Variants in MROH2A observed in about 807,000 individuals in gnomAD.
The protein encoded by MROH2A is maestro heat-like repeat-containing protein family member 2A.
MROH2A carries 174 observed loss-of-function variants against 200.4 expected under a neutral mutation model. The ratio of observed to expected loss-of-function variants is 0.87; its 90% CI spans 0.77 to 0.98. The LOEUF (loss-of-function observed/expected upper bound fraction) is 0.98, where lower values mean the gene tolerates loss of function less well. Among genes scored for constraint, MROH2A ranks in the 50% least tolerant of loss-of-function variants. The probability of loss-of-function intolerance (pLI) is 0.00; values close to 1 mark genes in which losing one functional copy is unlikely to be tolerated. For synonymous variants in MROH2A, 829 were observed against 840.4 expected (o/e 0.99, Z 0.23); for missense variants, 2,045 against 2,139.6 (o/e 0.96, Z 0.87).
intron 6 of MROH2A, 22 bp from the exon 7 acceptor site, chr2:233,793,651 A>AT (rs758034239): frequency 8.8e-6 from 12 of 1,357,160 alleles, no homozygotes; most frequent in South Asian, 2.0e-5. Context: ...CGCCAAGTGC[A>AT]TTCCCCTGTT....
In MROH2A at chr2:233,793,999, C is replaced by A. The variant is rs138731922; in HGVS notation, c.822+175C>A. 3.2e-3 allele frequency among the ~76,000 whole-genome samples: 480 copies of A among 152,212 alleles called. 4 individuals are homozygous for A. The highest frequency in any genetic ancestry group is 0.024 in the Middle Eastern group (7 of 294). On this transcript the variant is annotated intron_variant, in intron 7 of 41. Transcript: ENST00000389758. ...ACTCATGGATGCTGAACAGCTGGGA[C>A]CTAGGAGCCTCATCCACGAGGCCAG...
intron 5 of MROH2A, among the ~76,000 whole-genome samples, chr2:233,792,086 C>G (rs375750885): frequency 3.3e-5 from 5 of 152,040 alleles, no homozygotes; most frequent in African/African-American, 9.7e-5. Context: ...CTTCTGTGTT[C>G]GCCCAAGAAC....
rs1244582823 is a variant in MROH2A at position 233,814,587 on chromosome 2, G to A, written c.2766G>A (p.Leu922=). 1.3e-6 allele frequency: 2 copies of A among 1,550,250 alleles called. No individual in the cohort carries two copies. The highest frequency in any genetic ancestry group is 1.7e-6 in the Non-Finnish European group (2 of 1,146,790). Residue 922 remains leucine (L), a synonymous_variant, in exon 26 of 42, where the codon CTG becomes CTA. Coordinates refer to ENST00000389758, the MANE Select transcript of MROH2A (RefSeq NM_001394639.1). ...TCTCTCCCTCTTGGCTGTAGACCCT[G>A]TATGCAAATGCCCTGAGCTCCCTGG... The part of the protein sequence containing the change: ...PGEDNESIKT[L]YANALSSLEQ...
At chr2:233,803,791 C>G (rs962773588) in intron 16 of MROH2A, among the ~76,000 whole-genome samples, 2 of 152,156 alleles carry the variant, frequency 1.3e-5, no homozygotes, top group Non-Finnish European at 2.9e-5. Context: ...AGTCCAGGAC[C>G]CATGAGTTCT....
At chr2:233,808,363 A>T (rs1260516667) in intron 21 of MROH2A, among the ~76,000 whole-genome samples, 1 of 152,008 alleles carries the variant, frequency 6.6e-6, no homozygotes, top group East Asian at 1.9e-4. Context: ...CAGTATTTGG[A>T]CCCAGACAGC....
At chr2:233,783,064 T>C (rs919537245) in intron 3 of MROH2A, among the ~76,000 whole-genome samples, 1 of 152,216 alleles carries the variant, frequency 6.6e-6, no homozygotes, top group African/African-American at 2.4e-5. Context: ...TTGGGATGAA[T>C]CCCACTTGAT....
chr2:233,795,850 T>C, intron 9 of MROH2A, 105 bp downstream of exon 9: 1 of 1,541,614 alleles, frequency 6.5e-7, no homozygotes, highest in South Asian at 1.2e-5. Flanking sequence ...GTGCTTCCTT[T>C]ATCCTGATGG....
chr2:233,809,083 C>A (rs1238347231), intron 21 of MROH2A, 43 bp from the exon 22 acceptor site: 11 of 1,525,480 alleles, frequency 7.2e-6, no homozygotes, highest in Non-Finnish European at 9.8e-6. Context: ...TCTGGAGCAG[C>A]CCCTGCTGCC....
Position 233,779,871 on chromosome 2 carries a change from C to T in MROH2A, c.276+19C>T, listed in dbSNP as rs1165469251. ...GCCAGAGGTAGGGCCATCTTACCCA[C>T]TGGGCTCAGCCACCTTTAGCTCTGT... On this transcript the variant is annotated intron_variant, in intron 3 of 41. Coordinates refer to ENST00000389758, the MANE Select transcript of MROH2A (RefSeq NM_001394639.1). 6.5e-7 allele frequency: 1 copy of T among 1,543,932 alleles called. No homozygotes were observed. Among genetic ancestry groups the T allele is most frequent in the Non-Finnish European group, 8.7e-7 (1 of 1,143,540 alleles).
In MROH2A at chr2:233,792,822, A is replaced by G. The variant is rs903871838; in HGVS notation, c.598A>G (p.Ile200Val). ...NVFEFMPYMG[I>V]TLATIFTMLR... ...GTTTGAGTTCATGCCATACATGGGC[A>G]TCACCCTGGCTACCATATTCACCAT... The change falls in exon 6 of 42, where the codon ATC becomes GTC. Residue 200 changes from isoleucine to valine, a missense_variant. This residue lies in a region of MROH2A where 831 missense variants were observed against 800.0 expected (regional missense o/e 1.04). Coordinates refer to ENST00000389758, the MANE Select transcript of MROH2A (RefSeq NM_001394639.1). 5.8e-6 allele frequency: 9 copies of G among 1,550,150 alleles called. No homozygotes were observed. The highest frequency in any genetic ancestry group is 1.4e-5 in the African/African-American group (1 of 73,032).
At chr2:233,793,914 G>A in intron 7 of MROH2A, 90 bp downstream of exon 7, 2 of 1,257,440 alleles carry the variant, frequency 1.6e-6, no homozygotes, top group South Asian at 4.8e-5. Context: ...GGACCGTCGG[G>A]TCCACACTTA....
In MROH2A at chr2:233,819,939, C is replaced by T. The variant is rs28900687; in HGVS notation, c.3395C>T (p.Pro1132Leu). ...EILSAILVHL[P>L]VVDHPEVRRL... ...CTGAGTGCCATCCTGGTGCACCTGC[C>T]GGTGGTGGACCACCCAGAGGTGCGG... is the stretch of plus-strand genomic sequence containing the variant. Residue 1132 changes from proline to leucine, a missense_variant, in exon 31 of 42, where the codon CCG (proline) becomes CTG (leucine). Physicochemically the swap from Pro to Leu is moderately conservative, Grantham distance 98. Transcript: ENST00000389758. 906 of 1,534,990 alleles carry T rather than the reference C, an allele frequency of 5.9e-4. 6 individuals carry two copies. The African/African-American group carries it at 0.011, about 18-fold the overall frequency.
chr2:233,819,911 A>G lies in MROH2A; in HGVS notation c.3367A>G (p.Ile1123Val). The G allele has an allele frequency of 6.6e-7, 1 of 1,515,084 alleles. No individual in the cohort carries two copies. The highest frequency in any genetic ancestry group is 1.2e-5 in the South Asian group (1 of 80,308). 93.9% of individuals were successfully genotyped at this position (1,515,084 alleles called of 1,614,324 possible). ...AKELEDKVAE[I>V]LSAILVHLPV... ...CCCCATCCCTACCTAGGTGGCCGAG[A>G]TCCTGAGTGCCATCCTGGTGCACCT... The change falls in exon 31 of 42, where the codon ATC becomes GTC. Residue 1123 changes from isoleucine (I) to valine (V), a missense_variant. Transcript: ENST00000389758.
At chr2:233,791,818 G>A (rs1483406306) in intron 5 of MROH2A, among the ~76,000 whole-genome samples, 1 of 152,076 alleles carries the variant, frequency 6.6e-6, no homozygotes, top group Non-Finnish European at 1.5e-5. Flanking sequence ...GAGCTTCACG[G>A]CTTGCTGGGG....
At chr2:233,783,216 T>C (rs1198579967) in intron 3 of MROH2A, among the ~76,000 whole-genome samples, 1 of 152,200 alleles carries the variant, frequency 6.6e-6, no homozygotes, top group African/African-American at 2.4e-5. Flanking sequence ...TCTATCAGGG[T>C]AATGCTGGCC....
chr2:233,809,439 C>G (rs10202073), intron 22 of MROH2A, among the ~76,000 whole-genome samples, 161 bp downstream of exon 22: 3,482 of 152,074 alleles, frequency 0.023, 121 homozygotes, highest in African/African-American at 0.08. Context: ...GTGCTGTTCT[C>G]TGTGCTTTGG....
upstream of MROH2A, among the ~76,000 whole-genome samples, chr2:233,776,703 GTAATT>G (rs1700717188): frequency 6.6e-6 from 1 of 152,128 alleles, no homozygotes; most frequent in Non-Finnish European, 1.5e-5. Context: ...CGACCTGTGT[GTAATT>G]TAAAAATGAC....
At chr2:233,777,216 T>C (rs550706501), upstream of MROH2A, among the ~76,000 whole-genome samples, 2 of 152,322 alleles carry the variant, frequency 1.3e-5, no homozygotes, top group Admixed American at 1.3e-4. Context: ...TGTATCACTT[T>C]TCATGTGTTG....
intron 26 of MROH2A, among the ~76,000 whole-genome samples, chr2:233,815,319 A>G (rs1317031212): frequency 6.6e-6 from 1 of 152,240 alleles, no homozygotes; most frequent in Non-Finnish European, 1.5e-5. Context: ...ACAACCCATC[A>G]GATATGTGAT....
Sources: gnomAD v4.1 joint callset for allele counts (sites outside exome capture counted in the v4.1 genomes callset) on GRCh38, gnomAD v4.1.1 for gene constraint, gnomAD v4.1.1 regional missense constraint, MANE v1.5 for transcripts, NCBI Gene and HGNC (gene_info 2026-07-23, HGNC 2026-07-21) for gene names.